Variants in LTBP1 observed in about 807,000 individuals in gnomAD.
LTBP1 encodes the protein latent transforming growth factor beta binding protein 1.
Under a neutral mutation model 207.6 loss-of-function variants are expected in LTBP1, and 129 were observed. That is an observed-to-expected ratio of 0.62 (90% confidence interval 0.54 to 0.72). LTBP1 has a LOEUF of 0.72. LTBP1 is among the 30% of genes least tolerant of loss of function. The pLI is 0.00. For synonymous variants in LTBP1, 963 were observed against 833.7 expected (o/e 1.16, Z -2.67); for missense variants, 2,281 against 2,217.2 (o/e 1.03, Z -0.58).
chr2:33,127,495 G>T lies in LTBP1; in HGVS notation c.1034-7298G>T, dbSNP rs150789862. ...ATCTTCCCATGGATTCTCAGCCTCA[G>T]TTCATACCAGGCCTCTTCATTTCCA... On this transcript the variant is annotated intron_variant, in intron 4 of 33. Coordinates refer to ENST00000404816, the MANE Select transcript of LTBP1 (RefSeq NM_206943.4). Among the ~76,000 whole-genome samples the T allele has an allele frequency of 3.3e-3, 506 of 152,064 alleles. 4 individuals are homozygous for T. The highest frequency in any genetic ancestry group is 0.011 in the African/African-American group (468 of 41,452).
intron 24 of LTBP1, among the ~76,000 whole-genome samples, chr2:33,326,056 G>C (rs1307566125): frequency 6.7e-6 from 1 of 148,820 alleles, no homozygotes; most frequent in Non-Finnish European, 1.5e-5. Flanking sequence ...ATGACTTATA[G>C]TGTTTATAGT....
At chr2:33,098,464 C>T (rs951994087) in intron 3 of LTBP1, among the ~76,000 whole-genome samples, 1 of 152,114 alleles carries the variant, frequency 6.6e-6, no homozygotes, top group Non-Finnish European at 1.5e-5. Context: ...GACAGAGTCT[C>T]ACTCTGTTGC....
At chr2:33,061,197 T>C (rs1404403041) in intron 3 of LTBP1, among the ~76,000 whole-genome samples, 4 of 152,208 alleles carry the variant, frequency 2.6e-5, no homozygotes, top group African/African-American at 7.2e-5. Flanking sequence ...TGGATGATAC[T>C]GGTCCATCCA....
chr2:33,080,514 C>A (rs905025847), intron 3 of LTBP1, among the ~76,000 whole-genome samples: 25 of 152,074 alleles, frequency 1.6e-4, no homozygotes, highest in African/African-American at 5.8e-4. Flanking sequence ...TTTGTCAAAT[C>A]TTTAAAAAAG....
At chr2:32,958,587 C>T (rs1306616605) in intron 2 of LTBP1, among the ~76,000 whole-genome samples, 4 of 152,292 alleles carry the variant, frequency 2.6e-5, no homozygotes, top group East Asian at 3.9e-4. Context: ...AGTACAAGTG[C>T]CACAGTACAA....
chr2:33,029,062 C>G (rs1213599727), intron 3 of LTBP1, among the ~76,000 whole-genome samples: 1 of 152,186 alleles, frequency 6.6e-6, no homozygotes, highest in East Asian at 1.9e-4. Context: ...AATTATTTTT[C>G]ACTTAGAGAT....
At chr2:32,961,385 G>A (rs1214217246) in intron 2 of LTBP1, among the ~76,000 whole-genome samples, 2 of 152,162 alleles carry the variant, frequency 1.3e-5, no homozygotes, top group Non-Finnish European at 2.9e-5. Context: ...TCAAATTAAT[G>A]GGGATCCTTA....
At chr2:33,122,964 T>G (rs1219286852) in intron 4 of LTBP1, among the ~76,000 whole-genome samples, 2 of 152,232 alleles carry the variant, frequency 1.3e-5, no homozygotes, top group African/African-American at 4.8e-5. Context: ...TACTCTGCTC[T>G]CTAACAGCTG....
intron 5 of LTBP1, among the ~76,000 whole-genome samples, chr2:33,181,716 A>G (rs2086656813): frequency 6.6e-6 from 1 of 152,206 alleles, no homozygotes; most frequent in Admixed American, 6.5e-5. Flanking sequence ...AATATTTTCT[A>G]AAATATATGC....
intron 7 of LTBP1, among the ~76,000 whole-genome samples, chr2:33,213,613 C>T (rs915025112): frequency 3.9e-5 from 6 of 152,198 alleles, no homozygotes; most frequent in Admixed American, 3.3e-4. Flanking sequence ...AGGTGAGACC[C>T]TATGGTGTTC....
intron 23 of LTBP1, among the ~76,000 whole-genome samples, chr2:33,314,043 T>C (rs2094226090): frequency 6.6e-6 from 1 of 152,190 alleles, no homozygotes; most frequent in African/African-American, 2.4e-5. Context: ...TGTTTGGAAG[T>C]AGCCCTTGAC....
At chr2:32,970,464 A>G (rs540158037) in intron 2 of LTBP1, among the ~76,000 whole-genome samples, 51 of 152,144 alleles carry the variant, frequency 3.4e-4, no homozygotes, top group African/African-American at 1.2e-3. Flanking sequence ...TTCAGTTTCA[A>G]TCTTCTGCAT....
chr2:33,135,890 A>G (rs894937082), intron 5 of LTBP1, among the ~76,000 whole-genome samples: 2 of 152,210 alleles, frequency 1.3e-5, no homozygotes, highest in Admixed American at 1.3e-4. Flanking sequence ...AATAACCCAA[A>G]TGTCAGACAG....
chr2:33,030,399 C>G (rs1461525712), intron 3 of LTBP1, among the ~76,000 whole-genome samples: 1 of 152,172 alleles, frequency 6.6e-6, no homozygotes, highest in Non-Finnish European at 1.5e-5. Flanking sequence ...CTCTCCATTC[C>G]TCTTTCATTC....
intron 9 of LTBP1, among the ~76,000 whole-genome samples, chr2:33,233,924 T>G (rs920713620): frequency 6.6e-6 from 1 of 152,096 alleles, no homozygotes; most frequent in Non-Finnish European, 1.5e-5. Context: ...TTAAGTACAT[T>G]GGAGACAACC....
In LTBP1 at chr2:33,294,890, T is replaced by G. The variant is rs561402805; in HGVS notation, c.3235+1608T>G. Among the ~76,000 whole-genome samples, 5 of 152,128 alleles carry G rather than the reference T, an allele frequency of 3.3e-5. No individual in the cohort carries two copies. The South Asian group carries it at 8.3e-4, about 25-fold the overall frequency. On this transcript the variant is annotated intron_variant, in intron 20 of 33. Transcript: ENST00000404816. ...CCACGCCTGGCAAAAATGTTCTGAA[T>G]TTTTTTACTATTTGGTTTTTTTTTT...
At chr2:32,952,634 AT>A (rs940165494) in intron 2 of LTBP1, among the ~76,000 whole-genome samples, 1 of 151,568 alleles carries the variant, frequency 6.6e-6, no homozygotes, top group South Asian at 2.1e-4. Context: ...GCCTCCTATC[AT>A]TTTTGTAGTT....
chr2:33,026,603 T>C (rs2075426551), intron 3 of LTBP1, among the ~76,000 whole-genome samples: 1 of 152,142 alleles, frequency 6.6e-6, no homozygotes, highest in South Asian at 2.1e-4. Flanking sequence ...TGTGAGGTAG[T>C]TGAAGGTTTT....
In LTBP1 at chr2:33,188,860, C is replaced by G; in HGVS notation, c.1701+9C>G. On this transcript the variant is annotated intron_variant, in intron 7 of 33. Transcript: ENST00000404816. ...AAACCATTGGGTCACAGGTAAACAT[C>G]ATCACCGAGCCTGCTTTAGCAGTGT... is the stretch of plus-strand genomic sequence containing the variant. The G allele has an allele frequency of 6.2e-7, 1 of 1,613,068 alleles. No homozygotes were observed. The highest frequency in any genetic ancestry group is 8.5e-7 in the Non-Finnish European group (1 of 1,179,184).
Sources: gnomAD v4.1 joint callset for allele counts (sites outside exome capture counted in the v4.1 genomes callset) on GRCh38, gnomAD v4.1.1 for gene constraint, MANE v1.5 for transcripts, NCBI Gene and HGNC (gene_info 2026-07-23, HGNC 2026-07-21) for gene names.